Variants in LRP1 observed in about 807,000 individuals in gnomAD.
LRP1 encodes prolow-density lipoprotein receptor-related protein 1.
In LRP1, 51 loss-of-function variants were observed where a neutral mutation model predicts 541.5. The observed-to-expected ratio is 0.09, with a 90% confidence interval of 0.08 to 0.12. LRP1 has a LOEUF of 0.12. LRP1 is among the 10% of genes least tolerant of loss of function. The pLI is 1.00. For synonymous variants in LRP1, 2,219 were observed against 2,470.8 expected, an observed-to-expected ratio of 0.90 and a Z score of 3.02; for missense variants, 3,878 against 6,376.2, an observed-to-expected ratio of 0.61 and a Z score of 13.34.
rs368482360 is a variant in LRP1, at chr12:57,198,515, G to C, written c.9521G>C (p.Gly3174Ala). 1.2e-6 allele frequency: 2 copies of C among 1,614,050 alleles called. No individual in the cohort carries two copies. Among genetic ancestry groups the C allele is most frequent in the Non-Finnish European group, 1.7e-6 (2 of 1,180,016 alleles). The change falls in exon 60 of 89, where the codon GGC (glycine) becomes GCC (alanine). Residue 3174 changes from glycine to alanine, a missense_variant. Transcript: ENST00000243077. ...WGDHSLIGRI[G>A]MDGSSRSVIV... ...GACCATTCACTGATCGGCCGCATCG[G>C]CATGGATGGGTCCAGCCGCAGCGTC...
In LRP1 at chr12:57,185,531, G is replaced by A. The variant is rs1161481261; in HGVS notation, c.6464G>A (p.Gly2155Asp). ...CCCTCTGTACCCTCCCCTCCCCCAG[G>A]CACCAACGTGTGCGCGGTGGCCAAT... is the stretch of plus-strand genomic sequence containing the variant. ...IKVFNRDRQK[G>D]TNVCAVANGG... Residue 2155 changes from glycine (G) to aspartate (D), a missense_variant and splice_region_variant, in exon 41 of 89, where the codon GGC becomes GAC. Around this residue, in one of 13 missense-constraint regions of LRP1, gnomAD observed 1,100 missense variants for 1,827.4 expected, o/e 0.60. Coordinates refer to ENST00000243077, the MANE Select transcript of LRP1 (RefSeq NM_002332.3). This position sits in a 1 kb window ranked among gnomAD's most constrained non-coding sequence, Gnocchi z 4.9. 1 of 1,583,586 alleles carries A rather than the reference G, an allele frequency of 6.3e-7. No individual in the cohort carries two copies. The highest frequency in any genetic ancestry group is 1.7e-4 in the Middle Eastern group (1 of 5,732).
Position 57,154,741 on chromosome 12 carries a change from G to C in LRP1, c.1227+40G>C. The C allele has an allele frequency of 1.3e-6, 2 of 1,528,022 alleles. No homozygotes were observed. Among genetic ancestry groups the C allele is most frequent in the Non-Finnish European group, 1.8e-6 (2 of 1,125,988 alleles). The allele number at this position is 1,528,022 out of a possible 1,614,324, so 94.7% of individuals were successfully genotyped here. Reference sequence around the variant, plus strand: ...GTCTGAGGTTTTGTGGGGGAACCATGATCCAGGGCCTTCTGGTGAGGGGGG... The same window carrying C: ...GTCTGAGGTTTTGTGGGGGAACCATCATCCAGGGCCTTCTGGTGAGGGGGG... On this transcript the variant is annotated intron_variant, in intron 8 of 88. Transcript: ENST00000243077. This position sits in a 1 kb window ranked among gnomAD's most constrained non-coding sequence, Gnocchi z 4.6.
chr12:57,145,567 G>A (rs1384274500), intron 6 of LRP1, 77 bp downstream of exon 6: 11 of 1,543,824 alleles, frequency 7.1e-6, no homozygotes, highest in East Asian at 2.2e-5. Context: ...CTTGAACAGA[G>A]GCCGGGAGTT....
intron 41 of LRP1, among the ~76,000 whole-genome samples, chr12:57,186,611 G>A (rs909181098): frequency 3.3e-5 from 5 of 152,180 alleles, no homozygotes; most frequent in Non-Finnish European, 5.9e-5. Context: ...CAGCCTGCAT[G>A]TCTGTCTAAA....
Position 57,185,438 on chromosome 12 carries a change from G to A in LRP1, c.6464-93G>A, listed in dbSNP as rs1661688481. On this transcript the variant is annotated intron_variant, in intron 40 of 88. Coordinates refer to ENST00000243077, the MANE Select transcript of LRP1 (RefSeq NM_002332.3). The surrounding 1 kb of genome is among the most constrained non-coding windows in gnomAD (Gnocchi z 4.9). Reference sequence around the variant, plus strand: ...CATTCAAGCTGGGAATACCGAGGCAGAGGGCAGAGCTTTCGCCAAAGCCTG... The same window carrying A: ...CATTCAAGCTGGGAATACCGAGGCAAAGGGCAGAGCTTTCGCCAAAGCCTG... 1.4e-6 allele frequency: 2 copies of A among 1,458,798 alleles called. No individual in the cohort carries two copies. The highest frequency in any genetic ancestry group is 1.8e-6 in the Non-Finnish European group (2 of 1,097,204). 90.4% of individuals were successfully genotyped at this position (1,458,798 alleles called of 1,614,324 possible). A position where few individuals can be genotyped will look rare whatever the true frequency, so the allele number is the denominator to read the frequency against.
rs2036064009 is a variant in LRP1, at chr12:57,177,182, G to A, written c.4133G>A (p.Arg1378Gln). 1 of 1,614,036 alleles carries A rather than the reference G, an allele frequency of 6.2e-7. No individual in the cohort carries two copies. ...GTGGCCAAGCTGGATGGGACCCTCC[G>A]GACCACCCTGCTGGCCGGTGACATT... ...IEVAKLDGTL[R>Q]TTLLAGDIEH... is the part of the protein sequence containing the mutation. Residue 1378 changes from arginine to glutamine, a missense_variant, in exon 25 of 89, where the codon CGG (arginine) becomes CAG (glutamine). Arg to Gln is a conservative substitution (Grantham distance 43). Coordinates refer to ENST00000243077, the MANE Select transcript of LRP1 (RefSeq NM_002332.3). The surrounding 1 kb of genome is among the most constrained non-coding windows in gnomAD (Gnocchi z 6.8).
In LRP1 at chr12:57,189,092, A is replaced by T. The variant is rs1273574159; in HGVS notation, c.7031+1636A>T. 6.6e-6 allele frequency among the ~76,000 whole-genome samples: 1 copy of T among 152,150 alleles called. No homozygotes were observed. Among genetic ancestry groups the T allele is most frequent in the African/African-American group, 2.4e-5 (1 of 41,426 alleles). On this transcript the variant is annotated intron_variant, in intron 42 of 88. Coordinates refer to ENST00000243077, the MANE Select transcript of LRP1 (RefSeq NM_002332.3). The surrounding 1 kb of genome is among the most constrained non-coding windows in gnomAD (Gnocchi z 4.4). Reference sequence around the variant, plus strand: ...GAGCACTGATGGCCCTGTAGAGCTCACAGTAGGATAGTTAGAAGGTCCGCC... The same window carrying T: ...GAGCACTGATGGCCCTGTAGAGCTCTCAGTAGGATAGTTAGAAGGTCCGCC...
In LRP1 at chr12:57,211,758, C is replaced by T. The variant is rs376845600; in HGVS notation, c.13202C>T (p.Pro4401Leu). 34 of 1,613,214 alleles carry T rather than the reference C, an allele frequency of 2.1e-5. No individual in the cohort carries two copies. Among genetic ancestry groups the T allele is most frequent in the Non-Finnish European group, 2.8e-5 (33 of 1,179,966 alleles). The change falls in exon 86 of 89, where the codon CCC (proline) becomes CTC (leucine). Residue 4401 changes from proline (P) to leucine (L), a missense_variant. Physicochemically the swap from Pro to Leu is moderately conservative, Grantham distance 98. Around this residue, in one of 13 missense-constraint regions of LRP1, gnomAD observed 871 missense variants for 1,212.4 expected, o/e 0.72. Transcript: ENST00000243077. The surrounding 1 kb of genome is among the most constrained non-coding windows in gnomAD (Gnocchi z 4.3). Reference protein sequence around the residue: ...SKMMPECQCPPHMTGPRCEEH... With the variant: ...SKMMPECQCPLHMTGPRCEEH... ...GTCCCTCCTTTCTGCAGGTGCCCAC[C>T]CCACATGACAGGGCCCCGGTGTGAG... is the stretch of plus-strand genomic sequence containing the variant.
Position 57,158,742 on chromosome 12 carries a change from T to C in LRP1, c.1798+104T>C. On this transcript the variant is annotated intron_variant, in intron 11 of 88. Coordinates refer to ENST00000243077, the MANE Select transcript of LRP1 (RefSeq NM_002332.3). The surrounding 1 kb of genome is among the most constrained non-coding windows in gnomAD (Gnocchi z 5.3). ...GCAGGATGGTCCCCTGCTGACTGGC[T>C]GGCTGCACTGGTTGGCATGGAGATG... The C allele has an allele frequency of 9.8e-7, 1 of 1,022,058 alleles. No individual in the cohort carries two copies. Among genetic ancestry groups the C allele is most frequent in the South Asian group, 1.4e-5 (1 of 70,784 alleles). 63.3% of individuals were successfully genotyped at this position (1,022,058 alleles called of 1,614,324 possible). A position where few individuals can be genotyped will look rare whatever the true frequency, so the allele number is the denominator to read the frequency against.
intron 6 of LRP1, among the ~76,000 whole-genome samples, chr12:57,151,856 A>G (rs566040771): frequency 1.3e-5 from 2 of 152,286 alleles, no homozygotes; most frequent in South Asian, 4.1e-4. Context: ...TCTGAACTTT[A>G]GGAGAGAGAA....
rs557873392 is a variant in LRP1, at chr12:57,194,994, G to T, written c.8201G>T (p.Cys2734Phe). 6.2e-7 allele frequency: 1 copy of T among 1,613,802 alleles called. No homozygotes were observed. The highest frequency in any genetic ancestry group is 8.5e-7 in the Non-Finnish European group (1 of 1,179,768). The change falls in exon 51 of 89, where the codon TGC (cysteine) becomes TTC (phenylalanine). Residue 2734 changes from cysteine (C) to phenylalanine (F), a missense_variant. Transcript: ENST00000243077. Reference sequence around the variant, plus strand: ...CTTCTGACTGCCCCAGACAAGTTCTGCTCAGAGGCCCAGTTTGAGTGCCAG... The same window carrying T: ...CTTCTGACTGCCCCAGACAAGTTCTTCTCAGAGGCCCAGTTTGAGTGCCAG... ...GEDETHCNKFCSEAQFECQNH... is the reference protein window; with the variant it reads ...GEDETHCNKFFSEAQFECQNH...
At chr12:57,141,134 T>C (rs1454123481) in intron 2 of LRP1, among the ~76,000 whole-genome samples, 1 of 152,182 alleles carries the variant, frequency 6.6e-6, no homozygotes, top group South Asian at 2.1e-4. Flanking sequence ...TCCATGGGAA[T>C]GGGGCATTTG....
intron 49 of LRP1, 31 bp downstream of exon 49, chr12:57,194,534 G>A (rs2036485446): frequency 6.2e-7 from 1 of 1,611,962 alleles, no homozygotes; most frequent in Non-Finnish European, 8.5e-7. Flanking sequence ...GGTGGGTGGT[G>A]GCCTGCGGTG....
At position 57,206,320 on chromosome 12, in the gene LRP1, C is replaced by T. The variant is rs2036777998; in HGVS notation, c.11591-153C>T. ...GAGGTCCAGAGGCTGAGGTTGGAGC[C>T]TGCAACCCTGAGCAGGGAGGGTAAG... is the stretch of plus-strand genomic sequence containing the variant. On this transcript the variant is annotated intron_variant, in intron 75 of 88. Coordinates refer to ENST00000243077, the MANE Select transcript of LRP1 (RefSeq NM_002332.3). The surrounding 1 kb of genome is among the most constrained non-coding windows in gnomAD (Gnocchi z 4.7). 6.6e-6 allele frequency among the ~76,000 whole-genome samples: 1 copy of T among 152,190 alleles called. No homozygotes were observed. Among genetic ancestry groups the T allele is most frequent in the South Asian group, 2.1e-4 (1 of 4,834 alleles).
chr12:57,161,953 C>T (rs555685475), intron 13 of LRP1, among the ~76,000 whole-genome samples: 2 of 152,208 alleles, frequency 1.3e-5, no homozygotes, highest in South Asian at 4.1e-4. Flanking sequence ...TGGATGAATA[C>T]TGCCCGTCTG....
At position 57,183,550 on chromosome 12, in the gene LRP1, G is replaced by A. The variant is rs1247526284; in HGVS notation, c.5794+40G>A. 6.3e-7 allele frequency: 1 copy of A among 1,594,244 alleles called. No individual in the cohort carries two copies. The highest frequency in any genetic ancestry group is 1.1e-5 in the South Asian group (1 of 89,060). On this transcript the variant is annotated intron_variant, in intron 35 of 88. Coordinates refer to ENST00000243077, the MANE Select transcript of LRP1 (RefSeq NM_002332.3). This position sits in a 1 kb window ranked among gnomAD's most constrained non-coding sequence, Gnocchi z 6.1. ...GGCAGAGGGAGTTGGGCGTGGCGTA[G>A]GAGCTTTAGGGGTGGTGTGGTGTGC...
chr12:57,168,013 G>A (rs1416756280), intron 19 of LRP1, among the ~76,000 whole-genome samples: 2 of 152,236 alleles, frequency 1.3e-5, no homozygotes, highest in Non-Finnish European at 2.9e-5. Context: ...GGTGACTGCC[G>A]TGTGTGGTGT....
Position 57,200,826 on chromosome 12 carries a change from G to GCCCCCCC in LRP1, c.10225+14_10225+15insCCCCCCC. ...ACGAGGCCAACTGTGGTAAGGCGCTGCCCGCCCACCCTCCCTCCTTCCCCA... is the reference window on the plus strand; with the variant it reads ...ACGAGGCCAACTGTGGTAAGGCGCTGCCCCCCCCCCGCCCACCCTCCCTCCTTCCCCA... On this transcript the variant is annotated intron_variant, in intron 64 of 88. Coordinates refer to ENST00000243077, the MANE Select transcript of LRP1 (RefSeq NM_002332.3). 1.9e-6 allele frequency: 3 copies of GCCCCCCC among 1,581,416 alleles called. No homozygotes were observed. Among genetic ancestry groups the GCCCCCCC allele is most frequent in the African/African-American group, 1.4e-5 (1 of 71,618 alleles).
At chr12:57,132,039 C>T (rs1365397992) in intron 1 of LRP1, 5 of 152,572 alleles carry the variant, frequency 3.3e-5, no homozygotes, top group Non-Finnish European at 5.9e-5. Context: ...TCCTCCAGCT[C>T]TGCGTGTGGG....
Sources: gnomAD v4.1 joint callset for allele counts (sites outside exome capture counted in the v4.1 genomes callset) on GRCh38, gnomAD v4.1.1 for gene constraint, gnomAD v4.1.1 regional missense constraint, Gnocchi (gnomAD v3.1) non-coding constraint, MANE v1.5 for transcripts, NCBI Gene and HGNC (gene_info 2026-07-23, HGNC 2026-07-21) for gene names.